Variants in FNDC3B observed in about 807,000 individuals in gnomAD.
The protein encoded by FNDC3B is fibronectin type III domain containing 3B.
In FNDC3B, 12 loss-of-function variants were observed where a neutral mutation model predicts 151.5. The ratio of observed to expected loss-of-function variants is 0.08; its 90% CI spans 0.05 to 0.13. FNDC3B has a LOEUF of 0.13. FNDC3B is among the 10% of genes least tolerant of loss of function. FNDC3B has a pLI of 1.00. For missense variants in FNDC3B, 1,214 were observed against 1,505.3 expected, an observed-to-expected ratio of 0.81 and a Z score of 3.20; for synonymous variants, 528 against 549.0, an observed-to-expected ratio of 0.96 and a Z score of 0.54.
chr3:172,118,817 A>C (rs185940425), intron 2 of FNDC3B, among the ~76,000 whole-genome samples: 24 of 152,280 alleles, frequency 1.6e-4, no homozygotes, highest in African/African-American at 5.8e-4. Flanking sequence ...CAAATTTATA[A>C]AGCCCTCTGG....
At position 172,397,619 on chromosome 3, in the gene FNDC3B, T is replaced by C; in HGVS notation, c.*144T>C. On this transcript the variant is annotated 3_prime_UTR_variant, in exon 26 of 26. Transcript: ENST00000415807. ...TAGCTAGAAAAAAAATGTCAGTGTT[T>C]TGGTGCACCTTTTTGAAATGCAAAA... is the stretch of plus-strand genomic sequence containing the variant. 1 of 449,094 alleles carries C rather than the reference T, an allele frequency of 2.2e-6. No homozygotes were observed. Among genetic ancestry groups the C allele is most frequent in the Non-Finnish European group, 3.8e-6 (1 of 265,016 alleles). 27.8% of individuals were successfully genotyped at this position (449,094 alleles called of 1,614,324 possible).
intron 1 of FNDC3B, among the ~76,000 whole-genome samples, chr3:172,050,976 C>G (rs537604323): frequency 1.3e-5 from 2 of 151,812 alleles, no homozygotes; most frequent in East Asian, 3.9e-4. Flanking sequence ...TTAGAATGCT[C>G]TTAAATGATT....
chr3:172,240,565 A>T (rs1013796335), intron 4 of FNDC3B, among the ~76,000 whole-genome samples: 2 of 152,226 alleles, frequency 1.3e-5, no homozygotes, highest in African/African-American at 4.8e-5. Flanking sequence ...CAGCTTCTGT[A>T]TAATTTTCTA....
chr3:172,164,836 G>A (rs1722934582), intron 3 of FNDC3B, among the ~76,000 whole-genome samples: 1 of 152,166 alleles, frequency 6.6e-6, no homozygotes, highest in Admixed American at 6.5e-5. Context: ...GAAAGAAAAG[G>A]TAACAAATTA....
At chr3:172,192,389 G>C (rs745383951) in intron 3 of FNDC3B, among the ~76,000 whole-genome samples, 2 of 151,888 alleles carry the variant, frequency 1.3e-5, no homozygotes, top group Non-Finnish European at 2.9e-5. Flanking sequence ...GTTTCACCGT[G>C]TTAGCCAGGA....
At chr3:172,230,061 GAT>G (rs1726806810) in intron 4 of FNDC3B, among the ~76,000 whole-genome samples, 1 of 152,038 alleles carries the variant, frequency 6.6e-6, no homozygotes, top group Non-Finnish European at 1.5e-5. Flanking sequence ...TAAAACTTGA[GAT>G]ACAAAATTTT....
chr3:172,135,805 A>G (rs1217018643), intron 3 of FNDC3B, among the ~76,000 whole-genome samples: 1 of 152,224 alleles, frequency 6.6e-6, no homozygotes, highest in Non-Finnish European at 1.5e-5. Flanking sequence ...CAGGCAAAAA[A>G]TAAGAAACCC....
chr3:172,121,709 T>C (rs1720555392), intron 2 of FNDC3B, among the ~76,000 whole-genome samples: 1 of 152,200 alleles, frequency 6.6e-6, no homozygotes, highest in Non-Finnish European at 1.5e-5. Flanking sequence ...AGATGAGGAA[T>C]TTTTATTTAA....
intron 1 of FNDC3B, among the ~76,000 whole-genome samples, chr3:172,067,932 G>A (rs540293512): frequency 1.3e-5 from 2 of 152,250 alleles, no homozygotes; most frequent in South Asian, 4.1e-4. Flanking sequence ...AGCAGAGAAC[G>A]TTCAGGCCAT....
At chr3:172,087,088 CAG>C (rs1431976135) in intron 1 of FNDC3B, among the ~76,000 whole-genome samples, 1 of 152,170 alleles carries the variant, frequency 6.6e-6, no homozygotes, top group Non-Finnish European at 1.5e-5. Flanking sequence ...ATGCTCAAAA[CAG>C]TGTAGAATCC....
At chr3:172,333,057 A>G (rs1272538160) in intron 13 of FNDC3B, 32 bp from the exon 14 acceptor site, 1 of 1,401,736 alleles carries the variant, frequency 7.1e-7, no homozygotes. Flanking sequence ...AATTTTTTAT[A>G]CTGATGTTTC....
chr3:172,242,638 A>G (rs529325415), intron 4 of FNDC3B, among the ~76,000 whole-genome samples: 4 of 152,306 alleles, frequency 2.6e-5, no homozygotes, highest in South Asian at 4.1e-4. Flanking sequence ...TGCACACAGC[A>G]TGGGGACTCT....
At chr3:172,162,340 G>C (rs756684953) in intron 3 of FNDC3B, among the ~76,000 whole-genome samples, 1 of 152,152 alleles carries the variant, frequency 6.6e-6, no homozygotes, top group Non-Finnish European at 1.5e-5. Context: ...TTTATTGCCA[G>C]ATAATATTCC....
At chr3:172,174,391 A>G (rs1179050964) in intron 3 of FNDC3B, among the ~76,000 whole-genome samples, 7 of 152,206 alleles carry the variant, frequency 4.6e-5, no homozygotes, top group Non-Finnish European at 8.8e-5. Flanking sequence ...TCTGACATAC[A>G]CACTATTATT....
At chr3:172,149,806 GTTTTTTTTTTTTTTTT>G (rs10561622) in intron 3 of FNDC3B, among the ~76,000 whole-genome samples, 2 of 52,458 alleles carry the variant, frequency 3.8e-5, no homozygotes, top group African/African-American at 1.6e-4. Context: ...TATGTTGGGT[GTTTTTTTTTTTTTTTT>G]TTTTTTTTTT....
intron 1 of FNDC3B, among the ~76,000 whole-genome samples, chr3:172,046,752 G>A (rs1012095033): frequency 2.0e-5 from 3 of 152,194 alleles, no homozygotes; most frequent in African/African-American, 7.2e-5. Context: ...AAGTATCAAA[G>A]TGTGTCTTGT....
At chr3:172,216,781 G>A (rs1725999736) in intron 3 of FNDC3B, among the ~76,000 whole-genome samples, 1 of 152,206 alleles carries the variant, frequency 6.6e-6, no homozygotes, top group Non-Finnish European at 1.5e-5. Flanking sequence ...TTAACTTGAA[G>A]AGCAGAGTCC....
At chr3:172,259,384 T>C (rs1482948413) in intron 6 of FNDC3B, among the ~76,000 whole-genome samples, 6 of 152,230 alleles carry the variant, frequency 3.9e-5, no homozygotes, top group African/African-American at 7.2e-5. Context: ...TGCTTAGTTA[T>C]AGAGGCCTCT....
At chr3:172,061,664 C>T (rs1717207799) in intron 1 of FNDC3B, among the ~76,000 whole-genome samples, 1 of 152,182 alleles carries the variant, frequency 6.6e-6, no homozygotes, top group Non-Finnish European at 1.5e-5. Flanking sequence ...AGAATGACTT[C>T]TATTCAACAA....
Sources: allele counts gnomAD v4.1 joint callset (sites outside exome capture counted in the v4.1 genomes callset), GRCh38; gene constraint gnomAD v4.1.1; transcripts MANE v1.5; gene names NCBI Gene and HGNC (gene_info 2026-07-23, HGNC 2026-07-21).